TRHDE: variants seen among roughly 807,000 people sequenced by gnomAD.
TRHDE encodes thyrotropin-releasing hormone-degrading ectoenzyme.
A neutral mutation model predicts 125.7 loss-of-function variants in TRHDE; 72 were observed. That is an observed-to-expected ratio of 0.57 (90% CI 0.47 to 0.70). TRHDE has a LOEUF of 0.70. TRHDE is among the 30% of genes least tolerant of loss of function. The probability of loss-of-function intolerance (pLI) is 0.00; values close to 1 mark genes in which losing one functional copy is unlikely to be tolerated. For synonymous variants in TRHDE, 509 were observed against 509.1 expected, an observed-to-expected ratio of 1.00 and a Z score of 0.00; for missense variants, 1,110 against 1,327.1, an observed-to-expected ratio of 0.84 and a Z score of 2.54.
At chr12:72,462,577 C>G (rs1876175509) in intron 3 of TRHDE, among the ~76,000 whole-genome samples, 1 of 152,072 alleles carries the variant, frequency 6.6e-6, no homozygotes, top group Admixed American at 6.5e-5. Flanking sequence ...TTTCAGTTAC[C>G]TTTTGAATAT....
chr12:72,563,858 C>T lies in TRHDE; in HGVS notation c.2042+818C>T, dbSNP rs548893801. 2.6e-5 allele frequency among the ~76,000 whole-genome samples: 4 copies of T among 152,168 alleles called. No individual in the cohort carries two copies. The East Asian group carries it at 7.8e-4, about 30-fold the overall frequency. On this transcript the variant is annotated intron_variant, in intron 9 of 18. Transcript: ENST00000261180. ...AGGGAGAGAAGTTAAAATTGATAAA[C>T]GCAATGAGATGTTTGGATTGGGTTA... is the stretch of plus-strand genomic sequence containing the variant.
At chr12:72,529,705 C>T (rs1868442686) in intron 6 of TRHDE, among the ~76,000 whole-genome samples, 1 of 152,218 alleles carries the variant, frequency 6.6e-6, no homozygotes, top group South Asian at 2.1e-4. Context: ...TTCTGTGTAT[C>T]CAGGTAGAGA....
rs12831103 is a variant in TRHDE, at chr12:72,338,966, C to G, written c.1189-39029C>G. 6.4e-3 allele frequency among the ~76,000 whole-genome samples: 980 copies of G among 152,100 alleles called. 10 individuals carry two copies. The highest frequency in any genetic ancestry group is 0.022 in the African/African-American group (932 of 41,514). ...AGGAAAGGATCATATTAAAGTAAACCAATTCAGTTTATCTGTATTTTCAGT... is the reference window on the plus strand; with the variant it reads ...AGGAAAGGATCATATTAAAGTAAACGAATTCAGTTTATCTGTATTTTCAGT... On this transcript the variant is annotated intron_variant, in intron 2 of 18. Coordinates refer to ENST00000261180, the MANE Select transcript of TRHDE (RefSeq NM_013381.3).
chr12:72,633,323 A>G lies in TRHDE; in HGVS notation c.2675+11572A>G, dbSNP rs182109583. ...CTCTTTGCAAACATGCAAAATTAAA[A>G]TATTAAGAAGTACTGAATATCATTT... On this transcript the variant is annotated intron_variant, in intron 15 of 18. Coordinates refer to ENST00000261180, the MANE Select transcript of TRHDE (RefSeq NM_013381.3). 3.8e-3 allele frequency among the ~76,000 whole-genome samples: 580 copies of G among 152,198 alleles called. 3 individuals are homozygous for G. Among genetic ancestry groups the G allele is most frequent in the African/African-American group, 0.013 (533 of 41,532 alleles).
chr12:72,109,515 T>A (rs1875267927), intron 2 of TRHDE, among the ~76,000 whole-genome samples: 1 of 152,110 alleles, frequency 6.6e-6, no homozygotes, highest in Non-Finnish European at 1.5e-5. Flanking sequence ...ATGGTATCAC[T>A]AACAACTAGG....
chr12:72,477,002 G>A (rs987674206), intron 5 of TRHDE, among the ~76,000 whole-genome samples: 1 of 152,120 alleles, frequency 6.6e-6, no homozygotes, highest in Non-Finnish European at 1.5e-5. Flanking sequence ...TTTACAGGAA[G>A]TATGATACAA....
intron 8 of TRHDE, 72 bp downstream of exon 8, chr12:72,562,302 G>T (rs1196616115): frequency 1.3e-6 from 1 of 748,854 alleles, no homozygotes; most frequent in East Asian, 2.6e-5. Context: ...GACATTCATA[G>T]CCTTTATTGA....
chr12:72,601,924 C>T (rs1872223466), intron 12 of TRHDE, among the ~76,000 whole-genome samples: 2 of 152,132 alleles, frequency 1.3e-5, no homozygotes, highest in Non-Finnish European at 2.9e-5. Flanking sequence ...TACCATATCT[C>T]TGTACATGGT....
At chr12:72,261,685 A>C (rs61924338) in intron 2 of TRHDE, among the ~76,000 whole-genome samples, 1,681 of 152,272 alleles carry the variant, frequency 0.011, 16 homozygotes, top group Non-Finnish European at 0.018. Context: ...AAAGCAAGTA[A>C]ATCATCCTGA....
chr12:72,219,058 A>G (rs933735383), intron 2 of TRHDE, among the ~76,000 whole-genome samples: 3 of 152,178 alleles, frequency 2.0e-5, no homozygotes, highest in African/African-American at 7.2e-5. Context: ...AATGAATTAA[A>G]TGTAGAGAAT....
intron 6 of TRHDE, among the ~76,000 whole-genome samples, chr12:72,528,968 TTAAAA>T (rs1320250011): frequency 2.0e-5 from 3 of 152,136 alleles, no homozygotes; most frequent in African/African-American, 4.8e-5. Context: ...AATTTTATTC[TTAAAA>T]TAAAATTATT....
At chr12:72,352,992 C>T (rs915287357) in intron 2 of TRHDE, among the ~76,000 whole-genome samples, 3 of 150,702 alleles carry the variant, frequency 2.0e-5, no homozygotes, top group South Asian at 4.2e-4. Flanking sequence ...TGTGTTTCTG[C>T]TTCTTTTTTA....
intron 2 of TRHDE, among the ~76,000 whole-genome samples, chr12:72,259,300 T>A (rs1797345994): frequency 6.6e-6 from 1 of 152,168 alleles, no homozygotes; most frequent in African/African-American, 2.4e-5. Flanking sequence ...CTTAAGTTGT[T>A]CCAGATTTGG....
rs564433002 is a variant in TRHDE, at chr12:72,422,928, TC to T, written c.1315+44811del. Among the ~76,000 whole-genome samples the T allele has an allele frequency of 5.9e-5, 9 of 152,192 alleles. No individual in the cohort carries two copies. The South Asian group carries it at 1.7e-3, about 28-fold the overall frequency. On this transcript the variant is annotated intron_variant, in intron 3 of 18. Transcript: ENST00000261180. Reference sequence around the variant, plus strand: ...ATGACCCAAGACCTTGATCATGGACTCCCCAGCCTCCAGAACTGTCAACCAA... The same window carrying T: ...ATGACCCAAGACCTTGATCATGGACTCCCAGCCTCCAGAACTGTCAACCAA...
intron 15 of TRHDE, among the ~76,000 whole-genome samples, chr12:72,632,233 T>C (rs1217351774): frequency 6.6e-6 from 1 of 152,002 alleles, no homozygotes; most frequent in African/African-American, 2.4e-5. Flanking sequence ...AAAGTGCTAA[T>C]TCCCAATTAC....
intron 2 of TRHDE, among the ~76,000 whole-genome samples, chr12:72,169,970 A>C (rs1190115971): frequency 6.6e-6 from 1 of 152,190 alleles, no homozygotes; most frequent in East Asian, 1.9e-4. Context: ...TCACAATGTT[A>C]TACCAGATTT....
chr12:72,157,979 C>G (rs532347626), intron 2 of TRHDE, among the ~76,000 whole-genome samples: 6 of 152,202 alleles, frequency 3.9e-5, no homozygotes, highest in African/African-American at 1.4e-4. Flanking sequence ...ATCTCAAAAA[C>G]TAAACTGAGT....
chr12:72,254,781 A>G (rs1183007379), intron 2 of TRHDE: 1 of 152,202 alleles, frequency 6.6e-6, no homozygotes, highest in African/African-American at 2.4e-5. Flanking sequence ...CTCACCCGTT[A>G]TAGGACAAGA....
intron 5 of TRHDE, among the ~76,000 whole-genome samples, chr12:72,485,797 T>C (rs1362918372): frequency 6.6e-6 from 1 of 152,178 alleles, no homozygotes; most frequent in Non-Finnish European, 1.5e-5. Context: ...TGAGCTGTAC[T>C]ATCTTGACCT....
Sources: allele counts gnomAD v4.1 joint callset (sites outside exome capture counted in the v4.1 genomes callset), GRCh38; gene constraint gnomAD v4.1.1; transcripts MANE v1.5; gene names NCBI Gene and HGNC (gene_info 2026-07-23, HGNC 2026-07-21).